SLCO4A1: variants seen among roughly 807,000 people sequenced by gnomAD.
The protein encoded by SLCO4A1 is colon organic anion transporter.
In SLCO4A1, 51 loss-of-function variants were observed where a neutral mutation model predicts 64.6. The observed-to-expected ratio is 0.79, with a 90% confidence interval of 0.63 to 1.00. SLCO4A1 has a LOEUF of 1.00. Among genes scored for constraint, SLCO4A1 ranks in the 50% least tolerant of loss-of-function variants. The pLI, the probability that SLCO4A1 is intolerant of heterozygous loss-of-function variation, is 0.00. For missense variants in SLCO4A1, 919 were observed against 980.5 expected (o/e 0.94, Z 0.84); for synonymous variants, 471 against 444.9 (o/e 1.06, Z -0.74).
intron 6 of SLCO4A1, chr20:62,666,127 T>TCCCCTTCCCCTG (rs1986266582): frequency 2.5e-5 from 1 of 39,496 alleles, no homozygotes. Context: ...CGCTCCCCCT[T>TCCCCTTCCCCTG]CCCCTTCCCC....
Position 62,661,586 on chromosome 20 carries a change from A to G in SLCO4A1, c.1121+411A>G, listed in dbSNP as rs1434146969. ...TTTGACTTGAGACCCTTCCCTCACC[A>G]TGACCCCCCACACTCTAATTCCCTT... On this transcript the variant is annotated intron_variant, in intron 5 of 11. Coordinates refer to ENST00000217159, the MANE Select transcript of SLCO4A1 (RefSeq NM_016354.4). This position sits in a 1 kb window ranked among gnomAD's most constrained non-coding sequence, Gnocchi z 5.2. Among the ~76,000 whole-genome samples, 1 of 150,544 alleles carries G rather than the reference A, an allele frequency of 6.6e-6. No individual in the cohort carries two copies. Among genetic ancestry groups the G allele is most frequent in the Non-Finnish European group, 1.5e-5 (1 of 67,394 alleles).
intron 1 of SLCO4A1, among the ~76,000 whole-genome samples, chr20:62,646,127 G>T (rs1327925520): frequency 6.6e-6 from 1 of 152,170 alleles, no homozygotes; most frequent in East Asian, 1.9e-4. Flanking sequence ...GCCCTTCTGG[G>T]TCTTGTCTCT....
In SLCO4A1 at chr20:62,667,847, G is replaced by A. The variant is rs1468669917; in HGVS notation, c.1575G>A (p.Met525Ile). The stretch of plus-strand genomic sequence containing the variant: ...CTGTGTGCGGCTCGGACGGCCTCAT[G>A]TACTTCTCACTGTGCCACGCAGGGT... ...YSPVCGSDGL[M>I]YFSLCHAGCP... Residue 525 changes from methionine to isoleucine, a missense_variant, in exon 8 of 12, where the codon ATG becomes ATA. Coordinates refer to ENST00000217159, the MANE Select transcript of SLCO4A1 (RefSeq NM_016354.4). The A allele has an allele frequency of 1.2e-6, 2 of 1,613,644 alleles. No homozygotes were observed. The highest frequency in any genetic ancestry group is 1.7e-6 in the Non-Finnish European group (2 of 1,180,040).
At chr20:62,658,169 G>A (rs1452064567) in intron 2 of SLCO4A1, among the ~76,000 whole-genome samples, 1 of 152,252 alleles carries the variant, frequency 6.6e-6, no homozygotes, top group African/African-American at 2.4e-5. Flanking sequence ...GCCTCCTCAT[G>A]TCCTCCTTGA....
chr20:62,657,661 C>T (rs937747989), intron 2 of SLCO4A1, among the ~76,000 whole-genome samples: 1 of 152,224 alleles, frequency 6.6e-6, no homozygotes, highest in African/African-American at 2.4e-5. Flanking sequence ...TGACGAGGGA[C>T]AGAGCCCCAA....
chr20:62,656,960 A>G lies in SLCO4A1; in HGVS notation c.506A>G (p.Lys169Arg). 6.4e-7 allele frequency: 1 copy of G among 1,564,224 alleles called. No homozygotes were observed. The highest frequency in any genetic ancestry group is 8.7e-7 in the Non-Finnish European group (1 of 1,149,902). Residue 169 changes from lysine to arginine, a missense_variant, in exon 2 of 12, where the codon AAG becomes AGG. Lys to Arg is a conservative substitution (Grantham distance 26, BLOSUM62 2). Coordinates refer to ENST00000217159, the MANE Select transcript of SLCO4A1 (RefSeq NM_016354.4). ...FVSYFGGSGH[K>R]PRWLGWGVLL... ...AGCTACTTCGGGGGCTCAGGGCACA[A>G]GCCGCGCTGGCTGGGCTGGGGCGTG... is the stretch of plus-strand genomic sequence containing the variant.
chr20:62,678,573 C>G (rs1027580340), intron 2 of SLCO4A1, among the ~76,000 whole-genome samples: 7 of 150,658 alleles, frequency 4.6e-5, no homozygotes, highest in Non-Finnish European at 8.9e-5. Context: ...GCTCTGTCAC[C>G]CAGGCTAGAG....
Position 62,645,493 on chromosome 20 carries a change from C to T in SLCO4A1, c.-97+2940C>T, listed in dbSNP as rs1356097053. 6.8e-6 allele frequency among the ~76,000 whole-genome samples: 1 copy of T among 147,162 alleles called. No homozygotes were observed. The highest frequency in any genetic ancestry group is 1.5e-5 in the Non-Finnish European group (1 of 66,226). On this transcript the variant is annotated intron_variant, in intron 1 of 11. Transcript: ENST00000217159. The surrounding 1 kb of genome is among the most constrained non-coding windows in gnomAD (Gnocchi z 4.2). Reference sequence around the variant, plus strand: ...GGGTGCGGGTGAGGACCCACCCACACCCGCACCCTCACCCTCATCCTCACC... The same window carrying T: ...GGGTGCGGGTGAGGACCCACCCACATCCGCACCCTCACCCTCATCCTCACC...
downstream of SLCO4A1, among the ~76,000 whole-genome samples, chr20:62,687,179 C>G (rs1988093503): frequency 6.6e-6 from 1 of 151,816 alleles, no homozygotes; most frequent in Non-Finnish European, 1.5e-5. Flanking sequence ...AGGGCGCCCC[C>G]AAACAGGAGC....
At chr20:62,680,489 G>A (rs891584856) in intron 2 of SLCO4A1, among the ~76,000 whole-genome samples, 1 of 152,058 alleles carries the variant, frequency 6.6e-6, no homozygotes, top group Non-Finnish European at 1.5e-5. Context: ...TGTGAAGTGT[G>A]ACGTTAGCTG....
intron 7 of SLCO4A1, chr20:62,667,388 C>T (rs78468984): frequency 1.4e-3 from 325 of 236,314 alleles, no homozygotes; most frequent in African/African-American, 6.5e-3. Context: ...GGGGCTGGGG[C>T]CACGAGGCTG....
At chr20:62,690,172 G>A (rs1394974619), downstream of SLCO4A1, among the ~76,000 whole-genome samples, 1 of 152,168 alleles carries the variant, frequency 6.6e-6, no homozygotes, top group African/African-American at 2.4e-5. Flanking sequence ...CTGCTCCAGC[G>A]GTGCTTCCTG....
chr20:62,679,141 C>G (rs919449484), intron 2 of SLCO4A1, among the ~76,000 whole-genome samples: 1 of 152,094 alleles, frequency 6.6e-6, no homozygotes, highest in African/African-American at 2.4e-5. Context: ...GAGGCAAAGG[C>G]TGCAGCAAGC....
At position 62,661,041 on chromosome 20, in the gene SLCO4A1, C is replaced by CCCCCCCCCCCCCCCCCAAAA; in HGVS notation, c.1010-23_1010-22insCCCCCCCCCCCCCCCCAAAA. The CCCCCCCCCCCCCCCCCAAAA allele has an allele frequency of 7.0e-6, 10 of 1,424,134 alleles. No individual in the cohort carries two copies. Among genetic ancestry groups the CCCCCCCCCCCCCCCCCAAAA allele is most frequent in the Non-Finnish European group, 9.9e-6 (10 of 1,010,132 alleles). 88.2% of individuals were successfully genotyped at this position (1,424,134 alleles called of 1,614,324 possible). A position where few individuals can be genotyped will look rare whatever the true frequency, so the allele number is the denominator to read the frequency against. ...TCCGGGAGCCCCCAGCCCCCAGCCC[C>CCCCCCCCCCCCCCCCCAAAA]AGCTCACTCTGTGCCCTTCCAGGCT... On this transcript the variant is annotated intron_variant, in intron 4 of 11. Coordinates refer to ENST00000217159, the MANE Select transcript of SLCO4A1 (RefSeq NM_016354.4). This position sits in a 1 kb window ranked among gnomAD's most constrained non-coding sequence, Gnocchi z 5.2.
At chr20:62,684,162 A>G (rs942327957) in intron 2 of SLCO4A1, among the ~76,000 whole-genome samples, 4 of 152,098 alleles carry the variant, frequency 2.6e-5, no homozygotes, top group African/African-American at 7.2e-5. Context: ...ACACACACTC[A>G]TCCCCCAACA....
At chr20:62,664,082 G>T (rs1377035869) in intron 5 of SLCO4A1, among the ~76,000 whole-genome samples, 2 of 152,052 alleles carry the variant, frequency 1.3e-5, no homozygotes, top group Non-Finnish European at 2.9e-5. Context: ...CCTGATGTGG[G>T]GCCTTCCCAG....
At chr20:62,648,485 G>A (rs1320558611) in intron 1 of SLCO4A1, among the ~76,000 whole-genome samples, 1 of 151,894 alleles carries the variant, frequency 6.6e-6, no homozygotes, top group Non-Finnish European at 1.5e-5. Context: ...TGCTTCCAGG[G>A]GCTCCTTCCC....
chr20:62,672,064 G>C lies in SLCO4A1; in HGVS notation c.*171G>C. The C allele has an allele frequency of 1.3e-6, 2 of 1,501,976 alleles. No homozygotes were observed. Among genetic ancestry groups the C allele is most frequent in the Non-Finnish European group, 1.8e-6 (2 of 1,127,012 alleles). 93.0% of individuals were successfully genotyped at this position (1,501,976 alleles called of 1,614,324 possible). On this transcript the variant is annotated 3_prime_UTR_variant, in exon 12 of 12. Transcript: ENST00000217159. ...CCTGTCCCCAGAGCTGTACGGCCCT[G>C]CAGTGGGTGGGAGGAACTTGCATAA...
At chr20:62,643,533 G>A (rs1439506472) in intron 1 of SLCO4A1, among the ~76,000 whole-genome samples, 1 of 152,258 alleles carries the variant, frequency 6.6e-6, no homozygotes, top group Non-Finnish European at 1.5e-5. Context: ...CTGGCTATGC[G>A]TCCTGTTTCT....
Sources: allele counts gnomAD v4.1 joint callset (sites outside exome capture counted in the v4.1 genomes callset), GRCh38; gene constraint gnomAD v4.1.1; non-coding constraint Gnocchi (gnomAD v3.1); transcripts MANE v1.5; gene names NCBI Gene and HGNC (gene_info 2026-07-23, HGNC 2026-07-21).